The following CDKAL1 variants were observed in gnomAD, a reference collection of about 807,000 sequenced individuals.
CDKAL1 encodes the protein threonylcarbamoyladenosine tRNA methylthiotransferase.
Under a neutral mutation model 68.2 loss-of-function variants are expected in CDKAL1, and 32 were observed. The ratio of observed to expected loss-of-function variants is 0.47; its 90% CI spans 0.35 to 0.63. CDKAL1 has a LOEUF of 0.63. CDKAL1 is among the 30% of genes least tolerant of loss of function. The pLI, the probability that CDKAL1 is intolerant of heterozygous loss-of-function variation, is 0.00. For missense variants in CDKAL1, 606 were observed against 696.7 expected (o/e 0.87, Z 1.47); for synonymous variants, 234 against 244.3 (o/e 0.96, Z 0.39).
intron 15 of CDKAL1, among the ~76,000 whole-genome samples, chr6:21,202,864 ATCAGT>A (rs1218266153): frequency 6.6e-6 from 1 of 152,150 alleles, no homozygotes; most frequent in African/African-American, 2.4e-5. Context: ...AAATGGTGTT[ATCAGT>A]TCTACCACCA....
In CDKAL1 at chr6:20,953,794, G is replaced by A. The variant is rs371377330; in HGVS notation, c.743-1625G>A. ...CTTTTTATTAAATGATTAAGATTAAGCAAAGGTTTATTATTTCTGGAAGTA... is the reference window on the plus strand; with the variant it reads ...CTTTTTATTAAATGATTAAGATTAAACAAAGGTTTATTATTTCTGGAAGTA... On this transcript the variant is annotated intron_variant, in intron 9 of 15. Coordinates refer to ENST00000274695, the MANE Select transcript of CDKAL1 (RefSeq NM_017774.3). 7.9e-5 allele frequency among the ~76,000 whole-genome samples: 12 copies of A among 152,268 alleles called. No individual in the cohort carries two copies. In the East Asian group the frequency reaches 2.1e-3, roughly 27 times the overall value.
chr6:20,596,133 G>A (rs1335557255), intron 4 of CDKAL1, among the ~76,000 whole-genome samples: 1 of 152,182 alleles, frequency 6.6e-6, no homozygotes, highest in Admixed American at 6.5e-5. Context: ...CAGGAGGCAC[G>A]AGGATCAGGG....
chr6:20,577,948 G>A (rs1764980899), intron 4 of CDKAL1, among the ~76,000 whole-genome samples: 1 of 152,156 alleles, frequency 6.6e-6, no homozygotes, highest in South Asian at 2.1e-4. Context: ...ATAGGAGATG[G>A]ATGTCAAGAA....
chr6:21,133,090 C>G (rs894871822), intron 13 of CDKAL1, among the ~76,000 whole-genome samples: 1 of 152,048 alleles, frequency 6.6e-6, no homozygotes, highest in African/African-American at 2.4e-5. Flanking sequence ...AAATTGTTTC[C>G]CATAGATCCT....
intron 9 of CDKAL1, among the ~76,000 whole-genome samples, chr6:20,872,921 T>A (rs1057344457): frequency 3.9e-5 from 6 of 152,162 alleles, no homozygotes; most frequent in African/African-American, 1.4e-4. Flanking sequence ...TGACCAAGGA[T>A]TGTAGCCTGA....
chr6:21,035,523 G>T (rs1261517321), intron 11 of CDKAL1, among the ~76,000 whole-genome samples: 1 of 152,116 alleles, frequency 6.6e-6, no homozygotes, highest in Non-Finnish European at 1.5e-5. Context: ...CAGCAAGCTT[G>T]TGTGTGTATA....
At chr6:20,834,724 A>G (rs1234014991) in intron 8 of CDKAL1, among the ~76,000 whole-genome samples, 3 of 152,222 alleles carry the variant, frequency 2.0e-5, no homozygotes, top group Non-Finnish European at 2.9e-5. Context: ...TGAAGCAACT[A>G]TAGTATAATG....
intron 5 of CDKAL1, among the ~76,000 whole-genome samples, chr6:20,700,896 G>GT (rs11398905): frequency 0.3 from 42,477 of 140,838 alleles, 6,233 homozygotes; most frequent in East Asian, 0.47. Context: ...AGGTTTTTGG[G>GT]TTTTTTTTTT....
intron 9 of CDKAL1, among the ~76,000 whole-genome samples, chr6:20,887,211 C>T (rs1306363501): frequency 1.3e-5 from 2 of 152,142 alleles, no homozygotes; most frequent in South Asian, 2.1e-4. Flanking sequence ...CTGGAATTCT[C>T]ATACATTGTT....
intron 5 of CDKAL1, among the ~76,000 whole-genome samples, chr6:20,683,979 G>T (rs977261273): frequency 1.3e-5 from 2 of 152,006 alleles, no homozygotes; most frequent in Non-Finnish European, 2.9e-5. Context: ...TTTTTGGATG[G>T]GTTCCTTTCA....
intron 5 of CDKAL1, among the ~76,000 whole-genome samples, chr6:20,687,883 T>G (rs1285080380): frequency 6.6e-6 from 1 of 152,120 alleles, no homozygotes; most frequent in Non-Finnish European, 1.5e-5. Context: ...TAAAGGATTT[T>G]TTTTTTTAAT....
At chr6:21,046,425 C>A (rs1424338300) in intron 11 of CDKAL1, among the ~76,000 whole-genome samples, 1 of 152,204 alleles carries the variant, frequency 6.6e-6, no homozygotes, top group Non-Finnish European at 1.5e-5. Context: ...GGGTAGTGGG[C>A]TCCCTTGGAG....
intron 11 of CDKAL1, among the ~76,000 whole-genome samples, chr6:21,022,385 C>T (rs1029761656): frequency 2.6e-5 from 4 of 152,160 alleles, no homozygotes; most frequent in African/African-American, 9.7e-5. Context: ...TCAAAACGCT[C>T]ATGGATTGGC....
At chr6:21,107,406 T>C (rs929239385) in intron 12 of CDKAL1, among the ~76,000 whole-genome samples, 1 of 150,634 alleles carries the variant, frequency 6.6e-6, no homozygotes, top group Non-Finnish European at 1.5e-5. Flanking sequence ...GAGCGTTCTC[T>C]TTCTTTTTTC....
chr6:20,814,922 G>T (rs942756727), intron 8 of CDKAL1, among the ~76,000 whole-genome samples: 1 of 152,118 alleles, frequency 6.6e-6, no homozygotes, highest in Non-Finnish European at 1.5e-5. Flanking sequence ...AGGCTGCCAT[G>T]CTTTCTTGGG....
intron 13 of CDKAL1, among the ~76,000 whole-genome samples, chr6:21,170,790 A>G (rs1222276039): frequency 6.6e-6 from 1 of 152,072 alleles, no homozygotes; most frequent in Non-Finnish European, 1.5e-5. Flanking sequence ...GCCGAGGAAG[A>G]CAGTAAGTAC....
At chr6:20,878,794 T>A (rs1190577124) in intron 9 of CDKAL1, among the ~76,000 whole-genome samples, 1 of 138,054 alleles carries the variant, frequency 7.2e-6, no homozygotes, top group African/African-American at 2.7e-5. Flanking sequence ...AATATCCCCC[T>A]TCGGCAGGGC....
intron 4 of CDKAL1, among the ~76,000 whole-genome samples, chr6:20,616,900 C>T (rs1445880525): frequency 7.5e-6 from 1 of 134,020 alleles, no homozygotes; most frequent in Non-Finnish European, 1.6e-5. Context: ...ATTAGCTGGA[C>T]ATGATGGTGT....
chr6:21,219,472 T>G (rs924126590), intron 15 of CDKAL1, among the ~76,000 whole-genome samples: 9 of 152,242 alleles, frequency 5.9e-5, no homozygotes, highest in Non-Finnish European at 1.2e-4. Flanking sequence ...CCCACAAATA[T>G]GGAGGACCAA....
Sources: gnomAD v4.1 joint callset for allele counts (sites outside exome capture counted in the v4.1 genomes callset) on GRCh38, gnomAD v4.1.1 for gene constraint, MANE v1.5 for transcripts, NCBI Gene and HGNC (gene_info 2026-07-23, HGNC 2026-07-21) for gene names.